ZNF569: variants seen among roughly 807,000 people sequenced by gnomAD.
ZNF569 encodes the protein DNA-binding protein.
A neutral mutation model predicts 56.3 loss-of-function variants in ZNF569; 38 were observed. That is an observed-to-expected ratio of 0.68 (90% CI 0.52 to 0.88). The LOEUF is 0.88. Among genes scored for constraint, ZNF569 ranks in the 40% least tolerant of loss-of-function variants. The pLI, the probability that ZNF569 is intolerant of heterozygous loss-of-function variation, is 0.00. For synonymous variants in ZNF569, 241 were observed against 262.9 expected (o/e 0.92, Z 0.81); for missense variants, 666 against 809.2 (o/e 0.82, Z 2.15).
chr19:37,446,273 G>C (rs1418651426), intron 2 of ZNF569, among the ~76,000 whole-genome samples: 1 of 152,148 alleles, frequency 6.6e-6, no homozygotes, highest in Admixed American at 6.5e-5. Flanking sequence ...ACTGGGGCCA[G>C]GTGTGGTGGC....
chr19:37,436,547 G>C (rs997250316), intron 3 of ZNF569, among the ~76,000 whole-genome samples: 1 of 151,512 alleles, frequency 6.6e-6, no homozygotes, highest in Admixed American at 6.6e-5. Context: ...AAAAAAATCA[G>C]TTTTTTAAAA....
At chr19:37,446,202 A>C (rs2041490452) in intron 2 of ZNF569, among the ~76,000 whole-genome samples, 1 of 152,228 alleles carries the variant, frequency 6.6e-6, no homozygotes, top group Admixed American at 6.5e-5. Flanking sequence ...AAGTGGGGAA[A>C]GGAAACCCTA....
Position 37,412,525 on chromosome 19 carries a change from G to A in ZNF569, c.*72C>T. On this transcript the variant is annotated 3_prime_UTR_variant, in exon 6 of 6. Transcript: ENST00000316950. Reference sequence around the variant, plus strand: ...ATTCATAGTTTTCTACTCTGGAAGTGATCATGTAATGTGCAATGAGGTGTT... The same window carrying A: ...ATTCATAGTTTTCTACTCTGGAAGTAATCATGTAATGTGCAATGAGGTGTT... 6.7e-7 allele frequency: 1 copy of A among 1,495,862 alleles called. No homozygotes were observed. The highest frequency in any genetic ancestry group is 1.5e-5 in the South Asian group (1 of 68,714). The allele number at this position is 1,495,862 out of a possible 1,614,324, so 92.7% of individuals were successfully genotyped here.
chr19:37,440,307 T>C (rs2041382907), intron 3 of ZNF569, among the ~76,000 whole-genome samples: 2 of 152,030 alleles, frequency 1.3e-5, no homozygotes, highest in African/African-American at 2.4e-5. Context: ...ACACAAAAGG[T>C]CACATATTTT....
Position 37,412,784 on chromosome 19 carries a change from A to G in ZNF569, c.1874T>C (p.Ile625Thr), listed in dbSNP as rs368575304. ...GGGTTTCTCACCTGTATGTCCTCGT[A>G]TATGTATAGTAAGGGATGAGCTTTG... is the stretch of plus-strand genomic sequence containing the variant. The part of the protein sequence containing the change: ...FSQSSSLTIH[I>T]RGHTGEKPFD... The change falls in exon 6 of 6, where the codon ATA becomes ACA. Residue 625 changes from isoleucine (I) to threonine (T), a missense_variant. Physicochemically the swap from Ile to Thr is moderately conservative, Grantham distance 89. Transcript: ENST00000316950. The G allele has an allele frequency of 2.6e-5, 42 of 1,614,006 alleles. No homozygotes were observed. Among genetic ancestry groups the G allele is most frequent in the Non-Finnish European group, 3.1e-5 (37 of 1,179,936 alleles).
intron 5 of ZNF569, among the ~76,000 whole-genome samples, chr19:37,425,009 A>C (rs958066426): frequency 2.0e-5 from 3 of 150,884 alleles, no homozygotes; most frequent in Non-Finnish European, 3.0e-5. Context: ...AGTCCCAGCT[A>C]TCAGGAGGCT....
chr19:37,460,354 G>A (rs1265365730), intron 2 of ZNF569, among the ~76,000 whole-genome samples: 1 of 152,100 alleles, frequency 6.6e-6, no homozygotes, highest in Non-Finnish European at 1.5e-5. Flanking sequence ...TGTTGGCCAG[G>A]TTGGTCCTAA....
chr19:37,454,722 T>G (rs1351063111), intron 2 of ZNF569: 1 of 651,630 alleles, frequency 1.5e-6, no homozygotes, highest in Non-Finnish European at 2.8e-6. Flanking sequence ...TACAAGAGAC[T>G]GCAACCCCCA....
chr19:37,434,280 CA>C (rs35987957), intron 3 of ZNF569, among the ~76,000 whole-genome samples: 40,127 of 138,260 alleles, frequency 0.29, 6,789 homozygotes, highest in African/African-American at 0.49. Context: ...AGCCTGGTGA[CA>C]AGAGCGAGAC....
chr19:37,425,182 C>T (rs1404999320), intron 5 of ZNF569, among the ~76,000 whole-genome samples: 1 of 151,760 alleles, frequency 6.6e-6, no homozygotes, highest in Non-Finnish European at 1.5e-5. Flanking sequence ...GACAGGGTCT[C>T]ACTCCGTTGC....
intron 2 of ZNF569, among the ~76,000 whole-genome samples, chr19:37,463,448 G>A (rs1271791647): frequency 6.6e-6 from 1 of 152,166 alleles, no homozygotes; most frequent in Non-Finnish European, 1.5e-5. Flanking sequence ...CTACTGCACT[G>A]ATAGTGGTAT....
At chr19:37,453,916 TTTTTTC>T (rs1306127697) in intron 2 of ZNF569, among the ~76,000 whole-genome samples, 1 of 152,218 alleles carries the variant, frequency 6.6e-6, no homozygotes, top group African/African-American at 2.4e-5. Context: ...TTGAAGTATG[TTTTTTC>T]TTTTTCTTCT....
At chr19:37,432,219 G>A (rs1020467476) in intron 3 of ZNF569, among the ~76,000 whole-genome samples, 3 of 152,210 alleles carry the variant, frequency 2.0e-5, no homozygotes, top group African/African-American at 7.2e-5. Flanking sequence ...TGGGCCTTGG[G>A]TGAGACTCAG....
chr19:37,422,200 G>T (rs1164397721), intron 5 of ZNF569, among the ~76,000 whole-genome samples: 1 of 152,136 alleles, frequency 6.6e-6, no homozygotes, highest in South Asian at 2.1e-4. Context: ...AGAGATGTGC[G>T]ACTCTTCCTT....
Position 37,413,942 on chromosome 19 carries a change from T to A in ZNF569, c.716A>T (p.Glu239Val), listed in dbSNP as rs1342071616. Residue 239 changes from glutamate (E) to valine (V), a missense_variant, in exon 6 of 6, where the codon GAG becomes GTG. Glu to Val is a moderately radical substitution (Grantham distance 121, BLOSUM62 -2). Coordinates refer to ENST00000316950, the MANE Select transcript of ZNF569 (RefSeq NM_152484.3). ...LIKHYKIHSREQSYKCNECGK... is the reference protein window; with the variant it reads ...LIKHYKIHSRVQSYKCNECGK... ...ACATTCATTACATTTGTAAGACTGC[T>A]CCCTACTGTGAATTTTATAATGTTT... 6.2e-7 allele frequency: 1 copy of A among 1,613,470 alleles called. No individual in the cohort carries two copies. The highest frequency in any genetic ancestry group is 1.1e-5 in the South Asian group (1 of 91,078).
chr19:37,429,707 G>T (rs1374818599), intron 3 of ZNF569, among the ~76,000 whole-genome samples: 1 of 152,220 alleles, frequency 6.6e-6, no homozygotes, highest in Non-Finnish European at 1.5e-5. Flanking sequence ...GGCTATTAAA[G>T]TCTGGACTAT....
upstream of ZNF569, among the ~76,000 whole-genome samples, chr19:37,468,828 C>T (rs1178150451): frequency 6.6e-6 from 1 of 152,196 alleles, no homozygotes; most frequent in African/African-American, 2.4e-5. Context: ...TGGGAGACTG[C>T]CAGGAGTGTA....
chr19:37,450,777 T>C (rs2041579014), intron 2 of ZNF569, among the ~76,000 whole-genome samples: 1 of 152,194 alleles, frequency 6.6e-6, no homozygotes, highest in South Asian at 2.1e-4. Flanking sequence ...TGAATTTACC[T>C]CTCAGTTCTG....
intron 3 of ZNF569, chr19:37,427,667 G>T: frequency 2.6e-6 from 1 of 391,050 alleles, no homozygotes; most frequent in South Asian, 1.9e-5. Context: ...ACTGATGGGA[G>T]ATCAGCTCCT....
Sources: gnomAD v4.1 joint callset for allele counts (sites outside exome capture counted in the v4.1 genomes callset) on GRCh38, gnomAD v4.1.1 for gene constraint, MANE v1.5 for transcripts, NCBI Gene and HGNC (gene_info 2026-07-23, HGNC 2026-07-21) for gene names.